The following CUX2 variants were observed in gnomAD, a reference collection of about 807,000 sequenced individuals.
CUX2 encodes homeobox protein cut-like 2.
In CUX2, 40 loss-of-function variants were observed where a neutral mutation model predicts 144.8. The ratio of observed to expected loss-of-function variants is 0.28; its 90% CI spans 0.21 to 0.36. The LOEUF is 0.36. Ranked by LOEUF, CUX2 falls within the 10% of genes least tolerant of loss-of-function variation. The pLI, the probability that CUX2 is intolerant of heterozygous loss-of-function variation, is 1.00. For synonymous variants in CUX2, 827 were observed against 875.6 expected (o/e 0.94, Z 0.98); for missense variants, 1,615 against 1,994.0 (o/e 0.81, Z 3.62).
rs1275343458 is a variant in CUX2 at position 111,307,486 on chromosome 12, T to C, written c.1109+229T>C. Among the ~76,000 whole-genome samples, 1 of 151,842 alleles carries C rather than the reference T, an allele frequency of 6.6e-6. No individual in the cohort carries two copies. Among genetic ancestry groups the C allele is most frequent in the Non-Finnish European group, 1.5e-5 (1 of 67,956 alleles). On this transcript the variant is annotated intron_variant, in intron 12 of 21. Coordinates refer to ENST00000261726, the MANE Select transcript of CUX2 (RefSeq NM_015267.4). This position sits in a 1 kb window ranked among gnomAD's most constrained non-coding sequence, Gnocchi z 4.1. The stretch of plus-strand genomic sequence containing the variant: ...GGAGGATCGCTTGAGGTCAGGAGTT[T>C]GAGACCAGCCTGGGCAACAATGGGG...
At chr12:111,176,683 G>T (rs1475454054) in intron 1 of CUX2, among the ~76,000 whole-genome samples, 1 of 152,150 alleles carries the variant, frequency 6.6e-6, no homozygotes, top group Non-Finnish European at 1.5e-5. Flanking sequence ...GATCTATCAG[G>T]TCACCAGTAT....
intron 1 of CUX2, among the ~76,000 whole-genome samples, chr12:111,184,573 CAAAA>C (rs71445536): frequency 0.02 from 932 of 46,900 alleles, 10 homozygotes; most frequent in African/African-American, 0.055. Flanking sequence ...TTCTCTCTAC[CAAAA>C]AAAAAAAAAA....
intron 1 of CUX2, among the ~76,000 whole-genome samples, chr12:111,200,758 G>A (rs1178208588): frequency 1.3e-5 from 2 of 152,166 alleles, no homozygotes; most frequent in Admixed American, 6.5e-5. Flanking sequence ...TTGGTGGGGG[G>A]CAGGAACATT....
At chr12:111,238,481 T>C (rs904625304) in intron 3 of CUX2, among the ~76,000 whole-genome samples, 1 of 152,206 alleles carries the variant, frequency 6.6e-6, no homozygotes, top group African/African-American at 2.4e-5. Context: ...GATGTTGTTA[T>C]TCTCAACATT....
At chr12:111,072,152 A>T (rs1462542280) in intron 1 of CUX2, among the ~76,000 whole-genome samples, 3 of 152,216 alleles carry the variant, frequency 2.0e-5, no homozygotes, top group African/African-American at 7.2e-5. Context: ...CCACAAAAAT[A>T]GCTGGCTGGG....
At chr12:111,176,841 C>T (rs77998769) in intron 1 of CUX2, among the ~76,000 whole-genome samples, 1,576 of 152,272 alleles carry the variant, frequency 0.01, 23 homozygotes, top group African/African-American at 0.036. Flanking sequence ...GTCTGTTCAC[C>T]GGAGGAAATG....
chr12:111,142,253 G>A (rs184909450), intron 1 of CUX2, among the ~76,000 whole-genome samples: 53 of 152,192 alleles, frequency 3.5e-4, no homozygotes, highest in Admixed American at 5.2e-4. Context: ...AAAATAAAAG[G>A]GATGTATTTA....
At chr12:111,256,694 G>A (rs971600142) in intron 3 of CUX2, among the ~76,000 whole-genome samples, 3 of 152,152 alleles carry the variant, frequency 2.0e-5, no homozygotes, top group Admixed American at 6.5e-5. Context: ...CCTGGGCACC[G>A]ATACCACCTC....
At chr12:111,191,845 G>A (rs1879911292) in intron 1 of CUX2, among the ~76,000 whole-genome samples, 1 of 152,124 alleles carries the variant, frequency 6.6e-6, no homozygotes, top group Non-Finnish European at 1.5e-5. Flanking sequence ...CCTCCTTCGG[G>A]GCACCTCCCT....
At chr12:111,058,612 C>G (rs751738651) in intron 1 of CUX2, among the ~76,000 whole-genome samples, 11 of 152,022 alleles carry the variant, frequency 7.2e-5, no homozygotes, top group South Asian at 2.1e-4. Context: ...ATTCTCTCAT[C>G]TCAGATACAG....
intron 4 of CUX2, among the ~76,000 whole-genome samples, chr12:111,290,768 T>C (rs1029344567): frequency 2.0e-5 from 3 of 152,068 alleles, no homozygotes; most frequent in Non-Finnish European, 2.9e-5. Flanking sequence ...CTTGCCATGC[T>C]GCACAGGCTG....
intron 18 of CUX2, among the ~76,000 whole-genome samples, chr12:111,332,226 AGGTTCAAGCGATTCTGCT>A (rs1222212008): frequency 7.7e-6 from 1 of 130,298 alleles, no homozygotes; most frequent in African/African-American, 3.1e-5. Context: ...TCCGCCTCCC[AGGTTCAAGCGATTCTGCT>A]GCCTCAGCCT....
intron 3 of CUX2, among the ~76,000 whole-genome samples, chr12:111,222,953 A>C (rs1881929506): frequency 6.6e-6 from 1 of 152,246 alleles, no homozygotes; most frequent in African/African-American, 2.4e-5. Context: ...GCTGCATACT[A>C]GGCAGGGTTC....
At chr12:111,235,360 G>A (rs1358391570) in intron 3 of CUX2, among the ~76,000 whole-genome samples, 1 of 152,116 alleles carries the variant, frequency 6.6e-6, no homozygotes, top group Non-Finnish European at 1.5e-5. Flanking sequence ...GTTCCAGAAA[G>A]ATCTCTCTGG....
chr12:111,325,280 C>T (rs1304732533), intron 18 of CUX2, among the ~76,000 whole-genome samples: 2 of 148,870 alleles, frequency 1.3e-5, no homozygotes, highest in Non-Finnish European at 3.0e-5. Context: ...GGCGACAGAG[C>T]GAGACTCCGT....
chr12:111,121,380 T>TTTTTTTTTTTTTTTTTCTCTTTTTTTTTC (rs1874671292), intron 1 of CUX2, among the ~76,000 whole-genome samples: 1 of 134,186 alleles, frequency 7.5e-6, no homozygotes, highest in Non-Finnish European at 1.6e-5. Context: ...TTTTTTTTTT[T>TTTTTTTTTTTTTTTTTCTCTTTTTTTTTC]TTTTTTTTTT....
intron 1 of CUX2, among the ~76,000 whole-genome samples, chr12:111,189,758 C>G (rs1446124715): frequency 6.6e-6 from 1 of 152,068 alleles, no homozygotes; most frequent in Admixed American, 6.6e-5. Context: ...TTGCATTGCT[C>G]TTAGGTTCTC....
intron 1 of CUX2, among the ~76,000 whole-genome samples, chr12:111,041,496 A>T (rs1452225879): frequency 3.3e-5 from 5 of 152,246 alleles, no homozygotes; most frequent in Non-Finnish European, 7.3e-5. Flanking sequence ...GACCACAGAA[A>T]TTGCAGACGG....
rs1465602714 is a variant in CUX2, at chr12:111,068,062, T to C, written c.63+33822T>C. Among the ~76,000 whole-genome samples the C allele has an allele frequency of 6.6e-6, 1 of 152,032 alleles. No homozygotes were observed. Among genetic ancestry groups the C allele is most frequent in the Non-Finnish European group, 1.5e-5 (1 of 68,004 alleles). On this transcript the variant is annotated intron_variant, in intron 1 of 21. Coordinates refer to ENST00000261726, the MANE Select transcript of CUX2 (RefSeq NM_015267.4). This position sits in a 1 kb window ranked among gnomAD's most constrained non-coding sequence, Gnocchi z 4.9. ...CCCTAGTCCAGCAGGGAATGGCTTTTGCCCACTTTTAAAAAGTGGCCTGCA... is the reference window on the plus strand; with the variant it reads ...CCCTAGTCCAGCAGGGAATGGCTTTCGCCCACTTTTAAAAAGTGGCCTGCA...
Sources: allele counts gnomAD v4.1 joint callset (sites outside exome capture counted in the v4.1 genomes callset), GRCh38; gene constraint gnomAD v4.1.1; non-coding constraint Gnocchi (gnomAD v3.1); transcripts MANE v1.5; gene names NCBI Gene and HGNC (gene_info 2026-07-23, HGNC 2026-07-21).